Variants in TMEM184B observed in about 807,000 individuals in gnomAD.
TMEM184B encodes putative MAPK-activating protein FM08.
Under a neutral mutation model 41.8 loss-of-function variants are expected in TMEM184B, and 17 were observed. The ratio of observed to expected loss-of-function variants is 0.41; its 90% CI spans 0.28 to 0.61. The LOEUF is 0.61. Ranked by LOEUF, TMEM184B falls within the 20% of genes least tolerant of loss-of-function variation. The pLI, the probability that TMEM184B is intolerant of heterozygous loss-of-function variation, is 0.34. For synonymous variants in TMEM184B, 240 were observed against 229.5 expected, an observed-to-expected ratio of 1.05 and a Z score of -0.41; for missense variants, 393 against 557.8, an observed-to-expected ratio of 0.70 and a Z score of 2.98.
intron 5 of TMEM184B, among the ~76,000 whole-genome samples, chr22:38,230,270 C>T (rs1165739311): frequency 3.3e-5 from 5 of 152,350 alleles, no homozygotes; most frequent in Middle Eastern, 3.4e-3. Context: ...CAGGGAGAGA[C>T]GAAGAGACGG....
chr22:38,265,988 G>A (rs2145782613), intron 1 of TMEM184B, among the ~76,000 whole-genome samples: 1 of 152,332 alleles, frequency 6.6e-6, no homozygotes, highest in African/African-American at 2.4e-5. Flanking sequence ...AGTCCACAGG[G>A]GTTGGAGCAG....
chr22:38,216,776 G>C (rs145126776), downstream of TMEM184B, among the ~76,000 whole-genome samples: 2,285 of 152,258 alleles, frequency 0.015, 62 homozygotes, highest in African/African-American at 0.052. Context: ...GAGCATGGTG[G>C]CTCACACCTG....
intron 5 of TMEM184B, among the ~76,000 whole-genome samples, chr22:38,228,376 A>C (rs183970930): frequency 1.3e-5 from 2 of 151,850 alleles, no homozygotes; most frequent in African/African-American, 4.8e-5. Flanking sequence ...CCCATGGTAC[A>C]GGTGAGGAAA....
intron 1 of TMEM184B, among the ~76,000 whole-genome samples, chr22:38,262,040 G>A (rs536902302): frequency 6.6e-6 from 1 of 152,374 alleles, no homozygotes; most frequent in South Asian, 2.1e-4. Context: ...ACAGGAGAAT[G>A]AATAAATAGT....
At chr22:38,258,024 T>C (rs1041861931) in intron 1 of TMEM184B, among the ~76,000 whole-genome samples, 2 of 152,096 alleles carry the variant, frequency 1.3e-5, no homozygotes, top group African/African-American at 4.8e-5. Context: ...CTCCCCCACA[T>C]ACAGCCTACC....
Position 38,266,624 on chromosome 22 carries a change from C to A in TMEM184B, c.-59+6260G>T, listed in dbSNP as rs147954476. Among the ~76,000 whole-genome samples the A allele has an allele frequency of 7.8e-4, 119 of 152,344 alleles. 1 individual carries two copies. Among genetic ancestry groups the A allele is most frequent in the African/African-American group, 2.8e-3 (116 of 41,572 alleles). ...TCTATCTATAGCTACCTTTCAAATG[C>A]TATGGGTAAATGTTTATAACCCGGT... is the stretch of plus-strand genomic sequence containing the variant. On this transcript the variant is annotated intron_variant, in intron 1 of 8. Coordinates refer to ENST00000361906, the MANE Select transcript of TMEM184B (RefSeq NM_012264.5).
rs949498671 is a variant in TMEM184B at position 38,226,647 on chromosome 22, G to C, written c.617+132C>G. 1.1e-6 allele frequency: 1 copy of C among 877,644 alleles called. No homozygotes were observed. The allele number at this position is 877,644 out of a possible 1,614,324, so 54.4% of individuals were successfully genotyped here. ...GTCCACTGCTGGGCTCAGACTTCAG[G>C]GGGGTTGTGAGCACCAGACACCCAG... On this transcript the variant is annotated intron_variant, in intron 6 of 8. Coordinates refer to ENST00000361906, the MANE Select transcript of TMEM184B (RefSeq NM_012264.5). This position sits in a 1 kb window ranked among gnomAD's most constrained non-coding sequence, Gnocchi z 4.6.
chr22:38,230,927 C>T (rs2043805432), intron 4 of TMEM184B, among the ~76,000 whole-genome samples, 183 bp from the exon 5 acceptor site: 1 of 151,958 alleles, frequency 6.6e-6, no homozygotes, highest in Non-Finnish European at 1.5e-5. Context: ...ATGCCATAGG[C>T]GGAGGGACAC....
In TMEM184B at chr22:38,231,577, C is replaced by T. The variant is rs368206439; in HGVS notation, c.359-243G>A. 3.0e-5 allele frequency: 19 copies of T among 636,030 alleles called. 1 individual carries two copies. In the East Asian group the frequency reaches 3.1e-4, roughly 10 times the overall value. The allele number at this position is 636,030 out of a possible 1,614,324, so 39.4% of individuals were successfully genotyped here. On this transcript the variant is annotated intron_variant, in intron 3 of 8. Transcript: ENST00000361906. Reference sequence around the variant, plus strand: ...ATCCCGGGATGCACCCCTGCACTGGCGTAATACTATGAAGGGACTGTCGTG... The same window carrying T: ...ATCCCGGGATGCACCCCTGCACTGGTGTAATACTATGAAGGGACTGTCGTG...
chr22:38,245,059 C>T (rs572918527), intron 3 of TMEM184B, among the ~76,000 whole-genome samples: 5 of 152,224 alleles, frequency 3.3e-5, no homozygotes, highest in African/African-American at 9.6e-5. Context: ...ACCAAGTCCC[C>T]GGAAGGAATC....
chr22:38,228,953 A>G (rs2091531835), intron 5 of TMEM184B, among the ~76,000 whole-genome samples: 1 of 152,188 alleles, frequency 6.6e-6, no homozygotes, highest in African/African-American at 2.4e-5. Context: ...CTGGTAAACA[A>G]TGGCTCTCAA....
intron 1 of TMEM184B, among the ~76,000 whole-genome samples, chr22:38,250,176 T>C (rs2092130835): frequency 6.6e-6 from 1 of 152,232 alleles, no homozygotes; most frequent in Admixed American, 6.5e-5. Flanking sequence ...CCTTCCTGGG[T>C]GCGGCGGCCT....
intron 1 of TMEM184B, among the ~76,000 whole-genome samples, chr22:38,268,161 T>C (rs924929237): frequency 5.9e-5 from 9 of 152,092 alleles, no homozygotes; most frequent in Non-Finnish European, 1.3e-4. Context: ...GGCGGGCAGA[T>C]CACAAGGTCA....
chr22:38,218,410 G>C (rs985503776), downstream of TMEM184B, among the ~76,000 whole-genome samples: 1 of 152,152 alleles, frequency 6.6e-6, no homozygotes, highest in Non-Finnish European at 1.5e-5. Context: ...AGATGCTATG[G>C]GGCATTACGT....
intron 1 of TMEM184B, 90 bp from the exon 2 acceptor site, chr22:38,248,109 A>T: frequency 7.0e-7 from 1 of 1,438,518 alleles, no homozygotes; most frequent in Non-Finnish European, 9.1e-7. Context: ...CCACCTCCTG[A>T]CCATGTCTGT....
At chr22:38,259,519 G>C (rs1207832030) in intron 1 of TMEM184B, among the ~76,000 whole-genome samples, 1 of 152,210 alleles carries the variant, frequency 6.6e-6, no homozygotes, top group Non-Finnish European at 1.5e-5. Flanking sequence ...AGCAGAGAGA[G>C]GAAAGTGGAA....
intron 3 of TMEM184B, among the ~76,000 whole-genome samples, chr22:38,235,190 C>A (rs1346414076): frequency 2.0e-5 from 3 of 152,190 alleles, no homozygotes; most frequent in Non-Finnish European, 4.4e-5. Context: ...GGAGGGGACA[C>A]CCCACTCTCA....
In TMEM184B at chr22:38,246,038, G is replaced by A; in HGVS notation, c.255C>T (p.Leu85=). ...CAAAGGCGTAGATGGGCACGATGAA[G>A]AGGATGCGCACGATGTAGCGCTGCT... ...PNEQRYIVRI[L]FIVPIYAFDS... Residue 85 remains leucine (L), a synonymous_variant, in exon 3 of 9, where the codon CTC becomes CTT. Transcript: ENST00000361906. The A allele has an allele frequency of 6.2e-7, 1 of 1,613,652 alleles. No individual in the cohort carries two copies. The highest frequency in any genetic ancestry group is 8.5e-7 in the Non-Finnish European group (1 of 1,180,012).
At chr22:38,238,603 C>A (rs1400450271) in intron 3 of TMEM184B, among the ~76,000 whole-genome samples, 1 of 152,242 alleles carries the variant, frequency 6.6e-6, no homozygotes, top group Non-Finnish European at 1.5e-5. Flanking sequence ...GCAAACTGGC[C>A]TCTGGCTCTT....
Sources: allele counts gnomAD v4.1 joint callset (sites outside exome capture counted in the v4.1 genomes callset), GRCh38; gene constraint gnomAD v4.1.1; non-coding constraint Gnocchi (gnomAD v3.1); transcripts MANE v1.5; gene names NCBI Gene and HGNC (gene_info 2026-07-23, HGNC 2026-07-21).